Variants in ZNF716 observed in about 807,000 individuals in gnomAD.
ZNF716 encodes zinc finger protein 716.
In ZNF716, 9 loss-of-function variants were observed where a neutral mutation model predicts 13.4. That is an observed-to-expected ratio of 0.67 (90% CI 0.41 to 1.18). The LOEUF (loss-of-function observed/expected upper bound fraction) is 1.18, where lower values mean the gene tolerates loss of function less well. ZNF716 is among the 50% of genes most tolerant of loss of function. The pLI, the probability that ZNF716 is intolerant of heterozygous loss-of-function variation, is 0.01. For synonymous variants in ZNF716, 186 were observed against 195.2 expected, an observed-to-expected ratio of 0.95 and a Z score of 0.39; for missense variants, 581 against 576.6, an observed-to-expected ratio of 1.01 and a Z score of -0.08.
Position 57,470,647 on chromosome 7 carries a change from T to C in ZNF716, c.*698T>C, listed in dbSNP as rs1463865921. On this transcript the variant is annotated 3_prime_UTR_variant, in exon 4 of 4. Coordinates refer to ENST00000420713, the MANE Select transcript of ZNF716 (RefSeq NM_001159279.1). ...ACAATAAGGAATATGGAAATGTCTTTTAAAAGTCCTCAAACTTTTTGTTTG... is the reference window on the plus strand; with the variant it reads ...ACAATAAGGAATATGGAAATGTCTTCTAAAAGTCCTCAAACTTTTTGTTTG... 6.6e-6 allele frequency: 1 copy of C among 152,180 alleles called. No homozygotes were observed. Among genetic ancestry groups the C allele is most frequent in the Non-Finnish European group, 1.5e-5 (1 of 68,056 alleles). The allele number at this position is 152,180 out of a possible 1,614,324, so 9.4% of individuals were successfully genotyped here. A position where few individuals can be genotyped will look rare whatever the true frequency, so the allele number is the denominator to read the frequency against.
rs1368828440 is a variant in ZNF716, at chr7:57,473,520, A to G, written c.*3571A>G. The G allele has an allele frequency of 2.1e-5, 1 of 48,276 alleles. No individual in the cohort carries two copies. The highest frequency in any genetic ancestry group is 4.0e-5 in the Non-Finnish European group (1 of 24,814). The allele number at this position is 48,276 out of a possible 1,614,324, so 3.0% of individuals were successfully genotyped here. A position where few individuals can be genotyped will look rare whatever the true frequency, so the allele number is the denominator to read the frequency against. On this transcript the variant is annotated 3_prime_UTR_variant, in exon 4 of 4. Coordinates refer to ENST00000420713, the MANE Select transcript of ZNF716 (RefSeq NM_001159279.1). ...GGGTGAAAGAGCGAGAAACCATCTC[A>G]AAAAAAAAAATAAATAAATAAAAGA...
intron 1 of ZNF716, among the ~76,000 whole-genome samples, chr7:57,455,810 G>A (rs1421497709): frequency 4.6e-5 from 7 of 152,058 alleles, no homozygotes; most frequent in Non-Finnish European, 2.9e-5. Context: ...GAGCCGTCGC[G>A]CCTGGCTGGG....
rs992554661 is a variant in ZNF716, at chr7:57,452,841, A to G, written c.39+2514A>G. On this transcript the variant is annotated intron_variant, in intron 1 of 3. Coordinates refer to ENST00000420713, the MANE Select transcript of ZNF716 (RefSeq NM_001159279.1). ...GGGTCTTAGTACTGCTTGGGGATAAACCAAGATACCTACTGTGGCCGTGTC... is the reference window on the plus strand; with the variant it reads ...GGGTCTTAGTACTGCTTGGGGATAAGCCAAGATACCTACTGTGGCCGTGTC... Among the ~76,000 whole-genome samples, 6 of 152,148 alleles carry G rather than the reference A, an allele frequency of 3.9e-5. No homozygotes were observed. In the South Asian group the frequency reaches 1.0e-3, roughly 26 times the overall value.
chr7:57,453,562 T>G (rs1789533498), intron 1 of ZNF716, among the ~76,000 whole-genome samples: 1 of 152,220 alleles, frequency 6.6e-6, no homozygotes, highest in Admixed American at 6.5e-5. Flanking sequence ...AAATTCACAT[T>G]TGCCCTTTTC....
intron 1 of ZNF716, among the ~76,000 whole-genome samples, chr7:57,456,504 GACA>G (rs746422735): frequency 2.0e-5 from 3 of 151,976 alleles, no homozygotes; most frequent in Admixed American, 6.6e-5. Flanking sequence ...GGAAATGTTG[GACA>G]ACAAGTTGGT....
chr7:57,453,518 GA>G lies in ZNF716; in HGVS notation c.39+3199del, dbSNP rs1427983756. Among the ~76,000 whole-genome samples, 47 of 152,010 alleles carry G rather than the reference GA, an allele frequency of 3.1e-4. 1 individual carries two copies. Among genetic ancestry groups the G allele is most frequent in the African/African-American group, 1.1e-3 (46 of 41,522 alleles). On this transcript the variant is annotated intron_variant, in intron 1 of 3. Coordinates refer to ENST00000420713, the MANE Select transcript of ZNF716 (RefSeq NM_001159279.1). ...AAGGGCATAAAAGAGGGAAGTTTCA[GA>G]AAAAAAATGTAGTCATGTATTCTAT...
Position 57,463,271 on chromosome 7 carries a change from A to T in ZNF716, c.262+103A>T, listed in dbSNP as rs1339017495. On this transcript the variant is annotated intron_variant, in intron 3 of 3. Coordinates refer to ENST00000420713, the MANE Select transcript of ZNF716 (RefSeq NM_001159279.1). ...GTCTGGGGAGCTGTACTTCGATGGA[A>T]GAGTTTCTGAGAAGCCAGAGTCATT... is the stretch of plus-strand genomic sequence containing the variant. 5.4e-6 allele frequency: 8 copies of T among 1,472,796 alleles called. No individual in the cohort carries two copies. In the Admixed American group the frequency reaches 1.8e-4, roughly 33 times the overall value. The allele number at this position is 1,472,796 out of a possible 1,614,324, so 91.2% of individuals were successfully genotyped here. A position where few individuals can be genotyped will look rare whatever the true frequency, so the allele number is the denominator to read the frequency against.
chr7:57,466,001 C>A (rs1324474334), intron 3 of ZNF716, among the ~76,000 whole-genome samples: 4 of 148,644 alleles, frequency 2.7e-5, no homozygotes, highest in African/African-American at 1.0e-4. Context: ...CACATGGACA[C>A]AGGAAGGGGA....
intron 1 of ZNF716, among the ~76,000 whole-genome samples, chr7:57,455,518 A>T (rs1427627178): frequency 1.3e-5 from 2 of 151,650 alleles, no homozygotes; most frequent in Non-Finnish European, 2.9e-5. Context: ...GGAGAATTTT[A>T]TTTATTTATT....
rs190621508 is a variant in ZNF716, at chr7:57,467,538, G to T, written c.263-1186G>T. ...TTTCAGCACTTTGACCATTTTGCAC[G>T]TTTTTTTCTGATCTGCAAGGTTTCT... On this transcript the variant is annotated intron_variant, in intron 3 of 3. Coordinates refer to ENST00000420713, the MANE Select transcript of ZNF716 (RefSeq NM_001159279.1). Among the ~76,000 whole-genome samples the T allele has an allele frequency of 4.0e-4, 60 of 151,694 alleles. 1 individual carries two copies. Among genetic ancestry groups the T allele is most frequent in the Non-Finnish European group, 6.5e-4 (44 of 67,886 alleles).
In ZNF716 at chr7:57,472,024, A is replaced by G. The variant is rs1167101465; in HGVS notation, c.*2075A>G. 4 of 152,182 alleles carry G rather than the reference A, an allele frequency of 2.6e-5. No homozygotes were observed. The highest frequency in any genetic ancestry group is 4.4e-5 in the Non-Finnish European group (3 of 68,018). 9.4% of individuals were successfully genotyped at this position (152,182 alleles called of 1,614,324 possible). A position where few individuals can be genotyped will look rare whatever the true frequency, so the allele number is the denominator to read the frequency against. On this transcript the variant is annotated 3_prime_UTR_variant, in exon 4 of 4. Transcript: ENST00000420713. ...TACTTCATGTTGATCCTTTCTTCCCATTGTTTCTGTGAAAGTATTGGACCA... is the reference window on the plus strand; with the variant it reads ...TACTTCATGTTGATCCTTTCTTCCCGTTGTTTCTGTGAAAGTATTGGACCA...
chr7:57,453,669 A>G (rs61705187), intron 1 of ZNF716, among the ~76,000 whole-genome samples: 15,235 of 152,242 alleles, frequency 0.1, 896 homozygotes, highest in East Asian at 0.15. Flanking sequence ...GAATATTACC[A>G]AGGGAGAGAA....
chr7:57,454,187 C>G (rs1789546124), intron 1 of ZNF716, among the ~76,000 whole-genome samples: 1 of 152,152 alleles, frequency 6.6e-6, no homozygotes, highest in South Asian at 2.1e-4. Context: ...GGACTGGGCA[C>G]CTTCTAGAAG....
At chr7:57,463,815 T>C (rs1789752300) in intron 3 of ZNF716, among the ~76,000 whole-genome samples, 1 of 152,136 alleles carries the variant, frequency 6.6e-6, no homozygotes, top group Non-Finnish European at 1.5e-5. Context: ...TATTGTATGA[T>C]AATTTCATTT....
rs61176227 is a variant in ZNF716, at chr7:57,473,524, A to G, written c.*3575A>G. 1.7e-5 allele frequency: 1 copy of G among 57,994 alleles called. No homozygotes were observed. The highest frequency in any genetic ancestry group is 3.9e-5 in the Non-Finnish European group (1 of 25,842). The allele number at this position is 57,994 out of a possible 1,614,324, so 3.6% of individuals were successfully genotyped here. A position where few individuals can be genotyped will look rare whatever the true frequency, so the allele number is the denominator to read the frequency against. ...GAAAGAGCGAGAAACCATCTCAAAAAAAAAAATAAATAAATAAAAGATATA... is the reference window on the plus strand; with the variant it reads ...GAAAGAGCGAGAAACCATCTCAAAAGAAAAAATAAATAAATAAAAGATATA... On this transcript the variant is annotated 3_prime_UTR_variant, in exon 4 of 4. Coordinates refer to ENST00000420713, the MANE Select transcript of ZNF716 (RefSeq NM_001159279.1).
chr7:57,453,940 C>T (rs1476062165), intron 1 of ZNF716, among the ~76,000 whole-genome samples: 2 of 152,318 alleles, frequency 1.3e-5, no homozygotes, highest in Admixed American at 1.3e-4. Context: ...TCAAGTGATT[C>T]TCCTGACTCA....
intron 1 of ZNF716, among the ~76,000 whole-genome samples, chr7:57,460,097 C>T (rs1583718444): frequency 6.6e-6 from 1 of 152,134 alleles, no homozygotes; most frequent in East Asian, 1.9e-4. Context: ...AGATCAAGAG[C>T]AGCATTCAGG....
chr7:57,454,963 T>C (rs1218667660), intron 1 of ZNF716, among the ~76,000 whole-genome samples: 1 of 151,836 alleles, frequency 6.6e-6, no homozygotes, highest in Non-Finnish European at 1.5e-5. Flanking sequence ...GAGGCGGAGC[T>C]TGCAGTGAGC....
At position 57,469,291 on chromosome 7, in the gene ZNF716, T is replaced by C. The variant is rs10272498; in HGVS notation, c.830T>C (p.Val277Ala). 631,587 of 1,610,876 alleles carry C rather than the reference T, an allele frequency of 0.39. 124,523 individuals are homozygous for C. Among genetic ancestry groups the C allele is most frequent in the East Asian group, 0.49 (21,723 of 44,642 alleles). ...KPYTCEERGKVFSRSTLTNYK... is the reference protein window; with the variant it reads ...KPYTCEERGKAFSRSTLTNYK... ...TACACATGTGAAGAACGTGGCAAAG[T>C]CTTTAGCCGCTCAACACTTACTAAC... The change falls in exon 4 of 4, where the codon GTC becomes GCC. Residue 277 changes from valine (V) to alanine (A), a missense_variant. Transcript: ENST00000420713.
Sources: gnomAD v4.1 joint callset for allele counts (sites outside exome capture counted in the v4.1 genomes callset) on GRCh38, gnomAD v4.1.1 for gene constraint, MANE v1.5 for transcripts, NCBI Gene and HGNC (gene_info 2026-07-23, HGNC 2026-07-21) for gene names.